The following GNAO1 variants were observed in gnomAD, a reference collection of about 807,000 sequenced individuals.
GNAO1 encodes the protein guanine nucleotide-binding protein G(o) subunit alpha.
For synonymous variants in GNAO1, 164 were observed against 180.7 expected (o/e 0.91, Z 0.74); for missense variants, 166 against 478.7 (o/e 0.35, Z 6.10).
At chr16:56,287,984 G>A (rs1192425659) in intron 3 of GNAO1, among the ~76,000 whole-genome samples, 2 of 152,216 alleles carry the variant, frequency 1.3e-5, no homozygotes, top group African/African-American at 4.8e-5. Flanking sequence ...ACTCAGCATA[G>A]CATCTGCGCA....
At chr16:56,320,673 G>A (rs540620508) in intron 3 of GNAO1, among the ~76,000 whole-genome samples, 6 of 152,290 alleles carry the variant, frequency 3.9e-5, no homozygotes, top group East Asian at 1.9e-4. Flanking sequence ...CAGCAGGTGC[G>A]GAATGATGAG....
chr16:56,287,412 G>A (rs559857181), intron 3 of GNAO1, among the ~76,000 whole-genome samples: 3 of 152,360 alleles, frequency 2.0e-5, no homozygotes, highest in Middle Eastern at 3.4e-3. Flanking sequence ...TCACCTGACT[G>A]ACTGACCCTC....
intron 6 of GNAO1, chr16:56,344,154 T>A: frequency 7.0e-7 from 1 of 1,436,668 alleles, no homozygotes; most frequent in Non-Finnish European, 9.1e-7. Flanking sequence ...GCGGGGCTGC[T>A]GAGTGCATGC....
At chr16:56,217,857 G>A (rs147433314) in intron 2 of GNAO1, among the ~76,000 whole-genome samples, 1 of 152,246 alleles carries the variant, frequency 6.6e-6, no homozygotes, top group East Asian at 1.9e-4. Flanking sequence ...ATGTATGAAC[G>A]ATCTTATTCC....
In GNAO1 at chr16:56,340,816, C is replaced by T. The variant is rs369981747; in HGVS notation, c.723+3956C>T. 3.1e-6 allele frequency: 5 copies of T among 1,610,980 alleles called. No homozygotes were observed. In the African/African-American group the frequency reaches 6.7e-5, roughly 21 times the overall value. On this transcript the variant is annotated intron_variant, in intron 6 of 8. Coordinates refer to ENST00000262493, the MANE Select transcript of GNAO1 (RefSeq NM_020988.3). The stretch of plus-strand genomic sequence containing the variant: ...CTGGATGCTGCCGCCCCTCACTCAC[C>T]CCTCCACTCTGTTGCAGAACCGCAT...
At chr16:56,340,894 G>A in intron 6 of GNAO1, 1 of 1,613,872 alleles carries the variant, frequency 6.2e-7, no homozygotes, top group Non-Finnish European at 8.5e-7. Flanking sequence ...ATGGTTCACA[G>A]ACACGTCCAT....
chr16:56,256,692 C>CTGTCTCTCTG (rs879268843), intron 2 of GNAO1, among the ~76,000 whole-genome samples: 4 of 104,998 alleles, frequency 3.8e-5, no homozygotes, highest in African/African-American at 1.1e-4. Context: ...CTCTGTCTCT[C>CTGTCTCTCTG]TCTCTCTCTC....
rs1263683170 is a variant in GNAO1, at chr16:56,276,001, A to G, written c.232A>G (p.Ile78Val). The G allele has an allele frequency of 6.2e-7, 1 of 1,614,036 alleles. No individual in the cohort carries two copies. The highest frequency in any genetic ancestry group is 8.5e-7 in the Non-Finnish European group (1 of 1,179,916). The change falls in exon 3 of 9, where the codon ATC becomes GTC. Residue 78 changes from isoleucine (I) to valine (V), a missense_variant. Physicochemically the swap from Ile to Val is conservative, Grantham distance 29. Coordinates refer to ENST00000262493, the MANE Select transcript of GNAO1 (RefSeq NM_020988.3). ...CAAGCCTGTTGTCTACAGCAACACTATCCAGTCCCTGGCAGCCATCGTCCG... is the reference window on the plus strand; with the variant it reads ...CAAGCCTGTTGTCTACAGCAACACTGTCCAGTCCCTGGCAGCCATCGTCCG... ...QYKPVVYSNTIQSLAAIVRAM... is the reference protein window; with the variant it reads ...QYKPVVYSNTVQSLAAIVRAM...
chr16:56,249,118 A>G (rs2036775698), intron 2 of GNAO1, among the ~76,000 whole-genome samples: 1 of 152,210 alleles, frequency 6.6e-6, no homozygotes, highest in African/African-American at 2.4e-5. Flanking sequence ...TTGAAAGTAA[A>G]GCCAACAGAT....
At chr16:56,280,391 G>A (rs914785185) in intron 3 of GNAO1, among the ~76,000 whole-genome samples, 6 of 152,346 alleles carry the variant, frequency 3.9e-5, no homozygotes, top group African/African-American at 1.4e-4. Context: ...AGAGGACTGG[G>A]GTCTGAGCAA....
intron 2 of GNAO1, among the ~76,000 whole-genome samples, chr16:56,247,255 G>A (rs575804121): frequency 6.6e-6 from 1 of 152,188 alleles, no homozygotes; most frequent in Non-Finnish European, 1.5e-5. Context: ...CTGTCTTGGG[G>A]TGCACAGTTT....
intron 2 of GNAO1, chr16:56,194,233 T>G (rs1188203087): frequency 2.2e-6 from 1 of 456,578 alleles, no homozygotes. Flanking sequence ...TAATTTAGCT[T>G]GGGGCTTCTC....
chr16:56,346,769 T>A, intron 6 of GNAO1: 2 of 985,502 alleles, frequency 2.0e-6, no homozygotes, highest in Non-Finnish European at 2.4e-6. Context: ...ACTGGACACA[T>A]CCCTGCCCTC....
At chr16:56,292,809 C>G (rs1422249384) in intron 3 of GNAO1, among the ~76,000 whole-genome samples, 2 of 152,244 alleles carry the variant, frequency 1.3e-5, no homozygotes, top group South Asian at 2.1e-4. Flanking sequence ...ATTAATACCT[C>G]CCTAGGTATA....
At chr16:56,325,160 C>T (rs576486652) in intron 3 of GNAO1, among the ~76,000 whole-genome samples, 7 of 152,258 alleles carry the variant, frequency 4.6e-5, no homozygotes, top group East Asian at 1.9e-4. Flanking sequence ...AAGGGGTTTG[C>T]GGCAGAAAAA....
intron 2 of GNAO1, among the ~76,000 whole-genome samples, chr16:56,255,907 C>T (rs2036841906): frequency 6.6e-6 from 1 of 152,190 alleles, no homozygotes; most frequent in Non-Finnish European, 1.5e-5. Context: ...AGGGACTCAC[C>T]TGCAATAGTT....
intron 3 of GNAO1, among the ~76,000 whole-genome samples, chr16:56,297,578 T>C (rs74020986): frequency 9.3e-5 from 14 of 150,058 alleles, no homozygotes; most frequent in African/African-American, 3.2e-4. Flanking sequence ...TGTGTATGCA[T>C]GTGTTTAAAA....
At chr16:56,341,229 GC>G (rs1286384410) in intron 6 of GNAO1, among the ~76,000 whole-genome samples, 3 of 152,210 alleles carry the variant, frequency 2.0e-5, no homozygotes, top group African/African-American at 7.2e-5. Context: ...GACCATGGCG[GC>G]CTCTGGGAGC....
In GNAO1 at chr16:56,235,390, TAGAGCTAGC is replaced by T. The variant is rs1344343199; in HGVS notation, c.162-40537_162-40529del. ...CCTGCAGGGACTACAAGGAGGTAGG[TAGAGCTAGC>T]AGAACTGAAGGCCGGCGGGACACTA... On this transcript the variant is annotated intron_variant, in intron 2 of 8. Coordinates refer to ENST00000262493, the MANE Select transcript of GNAO1 (RefSeq NM_020988.3). 6.6e-6 allele frequency: 3 copies of T among 455,842 alleles called. No homozygotes were observed. The East Asian group carries it at 2.1e-4, about 32-fold the overall frequency. The allele number at this position is 455,842 out of a possible 1,614,324, so 28.2% of individuals were successfully genotyped here.
Sources: gnomAD v4.1 joint callset for allele counts (sites outside exome capture counted in the v4.1 genomes callset) on GRCh38, gnomAD v4.1.1 for gene constraint, MANE v1.5 for transcripts, NCBI Gene and HGNC (gene_info 2026-07-23, HGNC 2026-07-21) for gene names.